Variants in PPP2CA observed in about 807,000 individuals in gnomAD.
PPP2CA encodes the protein protein phosphatase 2 catalytic subunit alpha.
A neutral mutation model predicts 38.8 loss-of-function variants in PPP2CA; 5 were observed. That is an observed-to-expected ratio of 0.13 (90% CI 0.07 to 0.27). PPP2CA has a LOEUF of 0.27. Among genes scored for constraint, PPP2CA ranks in the 10% least tolerant of loss-of-function variants. PPP2CA has a pLI of 1.00. For synonymous variants in PPP2CA, 152 were observed against 134.0 expected, an observed-to-expected ratio of 1.13 and a Z score of -0.93; for missense variants, 88 against 389.7, an observed-to-expected ratio of 0.23 and a Z score of 6.52.
At chr5:134,200,518 T>A in intron 4 of PPP2CA, 22 bp from the exon 5 acceptor site, 1 of 1,606,824 alleles carries the variant, frequency 6.2e-7, no homozygotes, top group Non-Finnish European at 8.5e-7. Flanking sequence ...CTTCAAGTTA[T>A]AAAATGCCTT....
At chr5:134,220,677 A>G (rs1221367816) in intron 1 of PPP2CA, among the ~76,000 whole-genome samples, 1 of 152,026 alleles carries the variant, frequency 6.6e-6, no homozygotes, top group Non-Finnish European at 1.5e-5. Context: ...AAAAGACCCC[A>G]CCAAACCCAG....
chr5:134,207,332 G>C (rs1478623149), intron 1 of PPP2CA, among the ~76,000 whole-genome samples: 1 of 152,198 alleles, frequency 6.6e-6, no homozygotes, highest in East Asian at 1.9e-4. Flanking sequence ...TTAAACTTGG[G>C]AGGTGGAGGT....
intron 1 of PPP2CA, among the ~76,000 whole-genome samples, chr5:134,214,006 G>GT (rs913957025): frequency 8.8e-4 from 134 of 152,146 alleles, no homozygotes; most frequent in African/African-American, 3.2e-3. Flanking sequence ...GCACAGGCCT[G>GT]TAATCCCAGC....
At chr5:134,211,892 T>C (rs2149386150) in intron 1 of PPP2CA, among the ~76,000 whole-genome samples, 1 of 152,146 alleles carries the variant, frequency 6.6e-6, no homozygotes, top group South Asian at 2.1e-4. Context: ...CCAAGGCGGA[T>C]GAATCACTTG....
At chr5:134,214,334 T>C (rs1762273958) in intron 1 of PPP2CA, among the ~76,000 whole-genome samples, 1 of 152,204 alleles carries the variant, frequency 6.6e-6, no homozygotes, top group African/African-American at 2.4e-5. Context: ...GTTTCTACAT[T>C]ATAGTGATTT....
At chr5:134,214,874 T>C (rs1762283714) in intron 1 of PPP2CA, among the ~76,000 whole-genome samples, 1 of 152,168 alleles carries the variant, frequency 6.6e-6, no homozygotes. Context: ...CTTGCCATTT[T>C]CTAAGAGTTT....
At chr5:134,199,905 C>T (rs1169626751) in intron 5 of PPP2CA, among the ~76,000 whole-genome samples, 2 of 152,054 alleles carry the variant, frequency 1.3e-5, no homozygotes, top group Non-Finnish European at 1.5e-5. Context: ...TGTCAAGAAC[C>T]TTTGCCTCTT....
chr5:134,218,934 G>T (rs1762381612), intron 1 of PPP2CA, among the ~76,000 whole-genome samples: 1 of 152,258 alleles, frequency 6.6e-6, no homozygotes, highest in African/African-American at 2.4e-5. Flanking sequence ...CTCCCAAAGT[G>T]CTGGGATTCC....
At chr5:134,221,428 T>G (rs1762440061) in intron 1 of PPP2CA, among the ~76,000 whole-genome samples, 1 of 152,160 alleles carries the variant, frequency 6.6e-6, no homozygotes, top group African/African-American at 2.4e-5. Flanking sequence ...AAGAGGCATT[T>G]TATAAGTTGC....
chr5:134,216,757 G>A (rs1580648779), intron 1 of PPP2CA, among the ~76,000 whole-genome samples: 1 of 151,916 alleles, frequency 6.6e-6, no homozygotes, highest in African/African-American at 2.4e-5. Context: ...TCCAGCCTCC[G>A]CCTCCCAAAG....
chr5:134,215,801 C>G (rs1458838014), intron 1 of PPP2CA, among the ~76,000 whole-genome samples: 3 of 152,182 alleles, frequency 2.0e-5, no homozygotes, highest in Non-Finnish European at 4.4e-5. Context: ...AGCAGACTCT[C>G]ACTCCCTTCA....
chr5:134,201,457 A>C (rs929986146), intron 3 of PPP2CA, among the ~76,000 whole-genome samples: 1 of 152,198 alleles, frequency 6.6e-6, no homozygotes. Flanking sequence ...AACTTCTTGG[A>C]TATCACTCCT....
chr5:134,203,723 G>A (rs1392568807), intron 2 of PPP2CA, among the ~76,000 whole-genome samples: 1 of 152,152 alleles, frequency 6.6e-6, no homozygotes, highest in Admixed American at 6.6e-5. Flanking sequence ...ACCTCCATGA[G>A]TAAGTTTTTT....
chr5:134,201,751 C>A, intron 3 of PPP2CA, 97 bp downstream of exon 3: 1 of 1,315,608 alleles, frequency 7.6e-7, no homozygotes, highest in Admixed American at 2.9e-5. Context: ...AAAATATCCC[C>A]AAAGGGGTGT....
chr5:134,220,352 G>A (rs1209277132), intron 1 of PPP2CA, among the ~76,000 whole-genome samples: 1 of 148,092 alleles, frequency 6.8e-6, no homozygotes, highest in Non-Finnish European at 1.5e-5. Context: ...CCAACTATTT[G>A]GGAGGCTGAG....
In PPP2CA at chr5:134,197,838, C is replaced by T; in HGVS notation, c.864G>A (p.Gln288=). The change falls in exon 7 of 7, where the codon CAG becomes CAA. Residue 288 remains glutamine (Q), a synonymous_variant. Coordinates refer to ENST00000481195, the MANE Select transcript of PPP2CA (RefSeq NM_002715.4). ...LDDTLKYSFL[Q]FDPAPRRGEP... Reference sequence around the variant, plus strand: ...CGCCTCTACGAGGTGCTGGGTCAAACTGCAAGCTGAAAAACAAGACCGATT... The same window carrying T: ...CGCCTCTACGAGGTGCTGGGTCAAATTGCAAGCTGAAAAACAAGACCGATT... 1 of 1,614,034 alleles carries T rather than the reference C, an allele frequency of 6.2e-7. No individual in the cohort carries two copies. The highest frequency in any genetic ancestry group is 8.5e-7 in the Non-Finnish European group (1 of 1,179,970).
At chr5:134,216,960 C>T (rs1762333563) in intron 1 of PPP2CA, among the ~76,000 whole-genome samples, 1 of 152,182 alleles carries the variant, frequency 6.6e-6, no homozygotes, top group African/African-American at 2.4e-5. Context: ...AAGGAATCTC[C>T]ATTTTTGAAA....
Position 134,197,686 on chromosome 5 carries a change from T to C in PPP2CA, c.*86A>G. 1 of 1,087,870 alleles carries C rather than the reference T, an allele frequency of 9.2e-7. No individual in the cohort carries two copies. The highest frequency in any genetic ancestry group is 2.4e-5 in the East Asian group (1 of 41,372). The allele number at this position is 1,087,870 out of a possible 1,614,324, so 67.4% of individuals were successfully genotyped here. ...AGTTTTTTGAATGTTAACTATTTTC[T>C]GACACTTTGGAGTTACTGTTGCTCT... On this transcript the variant is annotated 3_prime_UTR_variant, in exon 7 of 7. Transcript: ENST00000481195.
Position 134,214,243 on chromosome 5 carries a change from CT to C in PPP2CA, c.103-8113del, listed in dbSNP as rs1331124037. Among the ~76,000 whole-genome samples, 4 of 152,210 alleles carry C rather than the reference CT, an allele frequency of 2.6e-5. No homozygotes were observed. In the East Asian group the frequency reaches 7.7e-4, roughly 29 times the overall value. ...CCAGAACTCTTCTCATTTCTATTAC[CT>C]TTCAGTTTTTACCCACACAGACCTC... On this transcript the variant is annotated intron_variant, in intron 1 of 6. Coordinates refer to ENST00000481195, the MANE Select transcript of PPP2CA (RefSeq NM_002715.4).
Sources: allele counts gnomAD v4.1 joint callset (sites outside exome capture counted in the v4.1 genomes callset), GRCh38; gene constraint gnomAD v4.1.1; transcripts MANE v1.5; gene names NCBI Gene and HGNC (gene_info 2026-07-23, HGNC 2026-07-21).